Variants in RANBP2 observed in about 807,000 individuals in gnomAD.
RANBP2 encodes E3 SUMO-protein ligase RanBP2.
RANBP2 carries 57 observed loss-of-function variants against 303.6 expected under a neutral mutation model. The ratio of observed to expected loss-of-function variants is 0.19; its 90% CI spans 0.15 to 0.23. The LOEUF is 0.23. Among genes scored for constraint, RANBP2 ranks in the 10% least tolerant of loss-of-function variants. The pLI, the probability that RANBP2 is intolerant of heterozygous loss-of-function variation, is 1.00. For synonymous variants in RANBP2, 1,167 were observed against 1,301.5 expected, an observed-to-expected ratio of 0.90 and a Z score of 2.23; for missense variants, 3,138 against 3,780.8, an observed-to-expected ratio of 0.83 and a Z score of 4.46.
the RANBP2 span, among the ~76,000 whole-genome samples, chr2:109,355,782 T>C: frequency 6.6e-6 from 1 of 152,192 alleles, no homozygotes; most frequent in Admixed American, 6.5e-5. Context: ...CTTGCCGTCT[T>C]CATATACAAA....
chr2:109,428,340 C>G, the RANBP2 span, among the ~76,000 whole-genome samples: 3 of 152,246 alleles, frequency 2.0e-5, no homozygotes, highest in Admixed American at 2.0e-4. Context: ...CAATTAGCAG[C>G]AAGTAAAGAT....
the RANBP2 span, among the ~76,000 whole-genome samples, chr2:109,590,860 C>T: frequency 1.3e-5 from 2 of 152,150 alleles, no homozygotes; most frequent in African/African-American, 4.8e-5. Context: ...CAACAACCCC[C>T]AGCCAGCAGG....
chr2:109,155,957 T>C, the RANBP2 span, among the ~76,000 whole-genome samples: 39 of 152,336 alleles, frequency 2.6e-4, no homozygotes, highest in African/African-American at 9.4e-4. Flanking sequence ...TCAGGATCAT[T>C]CTGCATGCTG....
chr2:109,015,687 G>A, the RANBP2 span, among the ~76,000 whole-genome samples: 2 of 152,062 alleles, frequency 1.3e-5, no homozygotes, highest in Non-Finnish European at 2.9e-5. Flanking sequence ...AAACTCAGGA[G>A]GTGGAGGTTG....
the RANBP2 span, among the ~76,000 whole-genome samples, chr2:109,241,416 G>C: frequency 6.6e-6 from 1 of 152,244 alleles, no homozygotes; most frequent in East Asian, 1.9e-4. Flanking sequence ...AGATGCATTG[G>C]GGGAAAAAAT....
chr2:109,244,281 G>C, the RANBP2 span, among the ~76,000 whole-genome samples: 2 of 152,184 alleles, frequency 1.3e-5, no homozygotes, highest in Admixed American at 6.5e-5. Flanking sequence ...AAAGCATTAT[G>C]CAACAGCTTC....
chr2:109,431,800 C>T, the RANBP2 span, among the ~76,000 whole-genome samples: 2 of 151,934 alleles, frequency 1.3e-5, no homozygotes, highest in African/African-American at 4.8e-5. Flanking sequence ...GAGCCCAGGC[C>T]ATTGAGGCTG....
At chr2:108,897,165 C>T in the RANBP2 span, 15 of 1,613,758 alleles carry the variant, frequency 9.3e-6, no homozygotes, top group East Asian at 2.2e-5. Context: ...CAGAGTTGTA[C>T]GTGGAGCTGA....
At chr2:109,514,353 C>T in the RANBP2 span, among the ~76,000 whole-genome samples, 9 of 152,278 alleles carry the variant, frequency 5.9e-5, no homozygotes, top group South Asian at 1.9e-3. Flanking sequence ...GTTAGGAAAA[C>T]GCAGCCCCGG....
the RANBP2 span, among the ~76,000 whole-genome samples, chr2:109,720,748 G>T: frequency 6.6e-6 from 1 of 152,174 alleles, no homozygotes; most frequent in Non-Finnish European, 1.5e-5. Context: ...TAACTCCAAA[G>T]ATGTGAGTTG....
the RANBP2 span, among the ~76,000 whole-genome samples, chr2:109,565,592 G>A: frequency 6.6e-6 from 1 of 152,118 alleles, no homozygotes; most frequent in African/African-American, 2.4e-5. Flanking sequence ...GTGGCATAAT[G>A]AGAAGTGGGA....
the RANBP2 span, among the ~76,000 whole-genome samples, chr2:109,198,764 C>T: frequency 6.6e-6 from 1 of 152,186 alleles, no homozygotes; most frequent in South Asian, 2.1e-4. Flanking sequence ...AAGGCCTCAC[C>T]TCCTGATACC....
the RANBP2 span, among the ~76,000 whole-genome samples, chr2:109,302,363 A>C: frequency 6.6e-6 from 1 of 152,232 alleles, no homozygotes; most frequent in Non-Finnish European, 1.5e-5. Context: ...AGCAAGGTGA[A>C]ATGCTTGCTG....
chr2:109,059,881 G>A, the RANBP2 span, among the ~76,000 whole-genome samples: 1 of 152,178 alleles, frequency 6.6e-6, no homozygotes, highest in Non-Finnish European at 1.5e-5. Context: ...GAGGATAATG[G>A]GGTGGGTAGC....
At chr2:108,799,712 A>G in the RANBP2 span, among the ~76,000 whole-genome samples, 8 of 152,114 alleles carry the variant, frequency 5.3e-5, no homozygotes, top group African/African-American at 1.9e-4. Context: ...TATTTCATCA[A>G]ATATTTTTTC....
chr2:109,207,105 A>T, the RANBP2 span, among the ~76,000 whole-genome samples: 1 of 152,198 alleles, frequency 6.6e-6, no homozygotes, highest in African/African-American at 2.4e-5. Flanking sequence ...AAGAAGGCAG[A>T]TAGGGCTGTG....
the RANBP2 span, among the ~76,000 whole-genome samples, chr2:109,058,031 T>C: frequency 6.6e-6 from 1 of 152,172 alleles, no homozygotes; most frequent in Admixed American, 6.5e-5. Context: ...CATTTACAGT[T>C]TGCAGGTCTC....
the RANBP2 span, among the ~76,000 whole-genome samples, chr2:109,152,871 T>C: frequency 6.6e-6 from 1 of 152,138 alleles, no homozygotes; most frequent in Middle Eastern, 3.2e-3. Context: ...TAAGAGTAAA[T>C]CTTAGTACTT....
the RANBP2 span, among the ~76,000 whole-genome samples, chr2:109,471,396 G>T: frequency 1.3e-5 from 2 of 151,962 alleles, no homozygotes; most frequent in African/African-American, 4.8e-5. Context: ...AGTGAAGGGG[G>T]AAGAATCCTC....
Sources: gnomAD v4.1 joint callset for allele counts (sites outside exome capture counted in the v4.1 genomes callset) on GRCh38, gnomAD v4.1.1 for gene constraint, MANE v1.5 for transcripts, NCBI Gene and HGNC (gene_info 2026-07-23, HGNC 2026-07-21) for gene names.